The following GNAL variants were observed in gnomAD, a reference collection of about 807,000 sequenced individuals.
GNAL encodes G protein subunit alpha L, also known as guanine nucleotide-binding protein G(olf) subunit alpha.
GNAL carries 18 observed loss-of-function variants against 55.1 expected under a neutral mutation model. The ratio of observed to expected loss-of-function variants is 0.33; its 90% confidence interval spans 0.23 to 0.48. The LOEUF is 0.48. Ranked by LOEUF, GNAL falls within the 20% of genes least tolerant of loss-of-function variation. GNAL has a pLI of 0.99. For missense variants in GNAL, 412 were observed against 614.1 expected, an observed-to-expected ratio of 0.67 and a Z score of 3.48; for synonymous variants, 253 against 237.0, an observed-to-expected ratio of 1.07 and a Z score of -0.62.
intron 1 of GNAL, among the ~76,000 whole-genome samples, chr18:11,743,109 A>G (rs1330321088): frequency 6.6e-6 from 1 of 152,232 alleles, no homozygotes; most frequent in Non-Finnish European, 1.5e-5. Context: ...ATATGAGAAC[A>G]GTGTGAGGCA....
At chr18:11,794,832 T>TG in intron 4 of GNAL, among the ~76,000 whole-genome samples, 1 of 151,602 alleles carries the variant, frequency 6.6e-6, no homozygotes, top group East Asian at 1.9e-4. Flanking sequence ...GCACTTTGTT[T>TG]TTTGTTTGTT....
chr18:11,715,303 T>C (rs1347710406), intron 1 of GNAL, among the ~76,000 whole-genome samples: 1 of 148,826 alleles, frequency 6.7e-6, no homozygotes, highest in South Asian at 2.1e-4. Context: ...ACTAAAAAAA[T>C]ACAAAAAATT....
At chr18:11,692,007 C>A in intron 1 of GNAL, among the ~76,000 whole-genome samples, 1 of 151,652 alleles carries the variant, frequency 6.6e-6, no homozygotes, top group Non-Finnish European at 1.5e-5. Flanking sequence ...TGCACTCTAC[C>A]GTAGAATGAA....
At chr18:11,761,578 T>G (rs971910022) in intron 4 of GNAL, among the ~76,000 whole-genome samples, 4 of 152,242 alleles carry the variant, frequency 2.6e-5, no homozygotes, top group African/African-American at 9.6e-5. Flanking sequence ...ATCCTGTGGC[T>G]GGCCTAGTCT....
At chr18:11,753,731 C>A in intron 3 of GNAL, 49 bp downstream of exon 3, 1 of 1,457,036 alleles carries the variant, frequency 6.9e-7, no homozygotes, top group Non-Finnish European at 9.6e-7. Context: ...AAGTGCTCTT[C>A]ATTCTAAAAC....
At chr18:11,711,027 C>T (rs1346766685) in intron 1 of GNAL, among the ~76,000 whole-genome samples, 2 of 152,134 alleles carry the variant, frequency 1.3e-5, no homozygotes, top group African/African-American at 4.8e-5. Context: ...AGGCGCCTGC[C>T]ACCGCGCCCG....
chr18:11,781,132 TTAAATA>T (rs1224631925), intron 4 of GNAL, among the ~76,000 whole-genome samples: 6 of 152,216 alleles, frequency 3.9e-5, no homozygotes, highest in African/African-American at 1.2e-4. Flanking sequence ...AATTAAGACT[TTAAATA>T]TAGGGAAAAT....
rs1277055304 is a variant in GNAL at position 11,884,950 on chromosome 18, G to A, written c.*3815G>A. The A allele has an allele frequency of 4.7e-6, 6 of 1,289,334 alleles. No individual in the cohort carries two copies. Among genetic ancestry groups the A allele is most frequent in the Non-Finnish European group, 5.0e-6 (5 of 998,918 alleles). 79.9% of individuals were successfully genotyped at this position (1,289,334 alleles called of 1,614,324 possible). ...GGGGGATCCATAACAGAGATTCAGA[G>A]AGGCACCGTGGAGTTCCAGGGTCAT... is the stretch of plus-strand genomic sequence containing the variant. On this transcript the variant is annotated 3_prime_UTR_variant, in exon 12 of 12. Transcript: ENST00000334049.
chr18:11,696,942 C>T (rs537322755), intron 1 of GNAL, among the ~76,000 whole-genome samples: 20 of 152,228 alleles, frequency 1.3e-4, no homozygotes, highest in African/African-American at 4.6e-4. Context: ...AGACCTTGTC[C>T]GAGGCCCTTA....
chr18:11,856,679 A>G (rs112977431), intron 5 of GNAL, among the ~76,000 whole-genome samples: 9 of 152,134 alleles, frequency 5.9e-5, no homozygotes, highest in Middle Eastern at 3.4e-3. Context: ...TAATCCCAGC[A>G]CTTTGGGAGG....
intron 5 of GNAL, among the ~76,000 whole-genome samples, chr18:11,838,704 G>A (rs1241866943): frequency 6.6e-6 from 1 of 152,154 alleles, no homozygotes; most frequent in African/African-American, 2.4e-5. Context: ...TGACAGTGTG[G>A]GGATGCTTCT....
chr18:11,715,123 C>T (rs1362280762), intron 1 of GNAL, among the ~76,000 whole-genome samples: 1 of 149,262 alleles, frequency 6.7e-6, no homozygotes, highest in Admixed American at 6.7e-5. Context: ...CTGGCCTGAG[C>T]AACAGAGTGA....
chr18:11,696,091 T>C lies in GNAL; in HGVS notation c.376+6152T>C, dbSNP rs560943105. Among the ~76,000 whole-genome samples the C allele has an allele frequency of 7.2e-5, 11 of 152,318 alleles. No individual in the cohort carries two copies. In the East Asian group the frequency reaches 1.2e-3, roughly 16 times the overall value. ...GAGTTGTGCAGTGGCCTTGGGCATA[T>C]CCTTATTAACTTGCTGTCTTCGTTT... On this transcript the variant is annotated intron_variant, in intron 1 of 11. Coordinates refer to ENST00000334049, the MANE Select transcript of GNAL (RefSeq NM_182978.4).
intron 1 of GNAL, among the ~76,000 whole-genome samples, chr18:11,738,168 GCTCCT>G (rs1432185263): frequency 3.9e-5 from 6 of 152,116 alleles, no homozygotes; most frequent in African/African-American, 1.4e-4. Flanking sequence ...CTCTCTTCTA[GCTCCT>G]CTGGCTGCCG....
At chr18:11,814,022 T>TA (rs1041742809) in intron 4 of GNAL, among the ~76,000 whole-genome samples, 1 of 152,186 alleles carries the variant, frequency 6.6e-6, no homozygotes, top group Non-Finnish European at 1.5e-5. Flanking sequence ...ACCCTTTCCT[T>TA]ACACCATACC....
chr18:11,845,217 A>T (rs975712577), intron 5 of GNAL, among the ~76,000 whole-genome samples: 2 of 152,218 alleles, frequency 1.3e-5, no homozygotes, highest in Non-Finnish European at 2.9e-5. Context: ...AAACATAAAA[A>T]TTACGTAAGA....
chr18:11,752,819 C>G lies in GNAL; in HGVS notation c.377-34C>G, dbSNP rs1276194990. ...GTGAGAGATGGCAGCGATATCCGGA[C>G]ACAGATCACAGCGTTCTTTCTGTTT... On this transcript the variant is annotated intron_variant, in intron 1 of 11. Transcript: ENST00000334049. This position sits in a 1 kb window ranked among gnomAD's most constrained non-coding sequence, Gnocchi z 4.5. The G allele has an allele frequency of 2.7e-6, 4 of 1,471,614 alleles. No homozygotes were observed. Among genetic ancestry groups the G allele is most frequent in the South Asian group, 1.1e-5 (1 of 88,208 alleles). 91.2% of individuals were successfully genotyped at this position (1,471,614 alleles called of 1,614,324 possible).
intron 11 of GNAL, among the ~76,000 whole-genome samples, chr18:11,879,653 G>A (rs201888109): frequency 3.3e-5 from 5 of 152,252 alleles, no homozygotes; most frequent in East Asian, 1.9e-4. Context: ...GGTGCCAGTC[G>A]TCAGGGATTC....
intron 4 of GNAL, among the ~76,000 whole-genome samples, chr18:11,797,367 C>G (rs1479767384): frequency 6.6e-6 from 1 of 151,414 alleles, no homozygotes; most frequent in Non-Finnish European, 1.5e-5. Context: ...ATTTTTGTCT[C>G]TTTAATTTCT....
Sources: allele counts gnomAD v4.1 joint callset (sites outside exome capture counted in the v4.1 genomes callset), GRCh38; gene constraint gnomAD v4.1.1; non-coding constraint Gnocchi (gnomAD v3.1); transcripts MANE v1.5; gene names NCBI Gene and HGNC (gene_info 2026-07-23, HGNC 2026-07-21).